The following GRB14 variants were observed in gnomAD, a reference collection of about 807,000 sequenced individuals.
GRB14 encodes growth factor receptor-bound protein 14.
Under a neutral mutation model 69.1 loss-of-function variants are expected in GRB14, and 38 were observed. The ratio of observed to expected loss-of-function variants is 0.55; its 90% CI spans 0.42 to 0.72. GRB14 has a LOEUF of 0.72. Among genes scored for constraint, GRB14 ranks in the 30% least tolerant of loss-of-function variants. The pLI, the probability that GRB14 is intolerant of heterozygous loss-of-function variation, is 0.00. For synonymous variants in GRB14, 247 were observed against 241.3 expected (o/e 1.02, Z -0.22); for missense variants, 666 against 666.1 (o/e 1.00, Z 0.00).
intron 2 of GRB14, among the ~76,000 whole-genome samples, chr2:164,601,608 G>A (rs1371848611): frequency 6.6e-6 from 1 of 152,042 alleles, no homozygotes; most frequent in Non-Finnish European, 1.5e-5. Flanking sequence ...TTGACCCTGT[G>A]TTTTTCCATC....
chr2:164,512,478 T>C (rs1448099733), intron 6 of GRB14, among the ~76,000 whole-genome samples: 3 of 152,100 alleles, frequency 2.0e-5, no homozygotes, highest in Non-Finnish European at 4.4e-5. Flanking sequence ...ATTTCCAGGG[T>C]TTTTGGCTAT....
At position 164,508,771 on chromosome 2, in the gene GRB14, C is replaced by G. The variant is rs762151159; in HGVS notation, c.898G>C (p.Ala300Pro). 1.9e-6 allele frequency: 3 copies of G among 1,589,490 alleles called. No homozygotes were observed. The Admixed American group carries it at 5.5e-5, about 29-fold the overall frequency. Residue 300 changes from alanine to proline, a missense_variant, in exon 7 of 14, where the codon GCA (alanine) becomes CCA (proline). By Grantham distance (27) the Ala-to-Pro change is conservative. Coordinates refer to ENST00000263915, the MANE Select transcript of GRB14 (RefSeq NM_004490.3). ...VSLAGKKKHG[A>P]PTNYGFCFKP... ...AAGCAGAATCCATAGTTAGTCGGTG[C>G]TCCATGTTTTTTTTTGCCTGCCAGT...
Position 164,506,319 on chromosome 2 carries a change from A to G in GRB14, c.1023+2136T>C, listed in dbSNP as rs185635726. 2.6e-5 allele frequency among the ~76,000 whole-genome samples: 4 copies of G among 152,352 alleles called. No individual in the cohort carries two copies. The East Asian group carries it at 7.7e-4, about 29-fold the overall frequency. ...GAAGTAAACATGGTGGCTATCTGCC[A>G]AAACAGCAAAAGAATGTAAATTTCA... On this transcript the variant is annotated intron_variant, in intron 8 of 13. Coordinates refer to ENST00000263915, the MANE Select transcript of GRB14 (RefSeq NM_004490.3).
At chr2:164,618,397 T>C (rs1237949065) in intron 2 of GRB14, among the ~76,000 whole-genome samples, 1 of 152,154 alleles carries the variant, frequency 6.6e-6, no homozygotes, top group African/African-American at 2.4e-5. Context: ...TGTTTTTTCC[T>C]TGGGATCTGA....
intron 12 of GRB14, among the ~76,000 whole-genome samples, chr2:164,495,777 A>ATTCTT (rs1686877294): frequency 6.6e-6 from 1 of 152,194 alleles, no homozygotes; most frequent in African/African-American, 2.4e-5. Context: ...TCAAGCTGTA[A>ATTCTT]TTCTTTTCCC....
chr2:164,553,028 G>A (rs1688584908), intron 2 of GRB14, among the ~76,000 whole-genome samples: 2 of 152,120 alleles, frequency 1.3e-5, no homozygotes, highest in African/African-American at 2.4e-5. Context: ...ATGATCTAGG[G>A]GTTGCTGAAA....
chr2:164,616,135 T>C (rs531401035), intron 2 of GRB14, among the ~76,000 whole-genome samples: 2 of 152,122 alleles, frequency 1.3e-5, no homozygotes, highest in African/African-American at 4.8e-5. Context: ...ATAAAGAATA[T>C]GAATTCTCGC....
intron 2 of GRB14, among the ~76,000 whole-genome samples, chr2:164,589,935 C>G (rs972132805): frequency 2.0e-5 from 3 of 152,124 alleles, no homozygotes; most frequent in Admixed American, 6.5e-5. Flanking sequence ...GGGTTACAGA[C>G]AGCCAACTTT....
At chr2:164,616,425 C>CAAAAAA (rs34263597) in intron 2 of GRB14, among the ~76,000 whole-genome samples, 85 of 66,618 alleles carry the variant, frequency 1.3e-3, no homozygotes, top group East Asian at 3.0e-3. Context: ...GACTCCGTCT[C>CAAAAAA]AAAAAAAAAA....
intron 8 of GRB14, among the ~76,000 whole-genome samples, chr2:164,505,456 G>C (rs994171212): frequency 4.6e-5 from 7 of 152,080 alleles, no homozygotes; most frequent in Admixed American, 4.6e-4. Context: ...GTGGGATCAA[G>C]AAATCACCAG....
chr2:164,495,719 G>A (rs1004349049), intron 12 of GRB14, among the ~76,000 whole-genome samples: 11 of 152,140 alleles, frequency 7.2e-5, no homozygotes, highest in Admixed American at 5.9e-4. Context: ...GTGAGATTCC[G>A]ACATTACATC....
chr2:164,569,773 G>A (rs919726105), intron 2 of GRB14, among the ~76,000 whole-genome samples: 3 of 152,054 alleles, frequency 2.0e-5, no homozygotes, highest in African/African-American at 4.8e-5. Context: ...GCAGTAATGC[G>A]CTTAATATAA....
chr2:164,531,934 TC>T (rs1389070255), intron 3 of GRB14, among the ~76,000 whole-genome samples: 2 of 152,108 alleles, frequency 1.3e-5, no homozygotes, highest in African/African-American at 4.8e-5. Flanking sequence ...GTCCACAGCA[TC>T]CCAGTACGGG....
chr2:164,590,308 CA>C (rs1689632053), intron 2 of GRB14, among the ~76,000 whole-genome samples: 1 of 151,872 alleles, frequency 6.6e-6, no homozygotes, highest in Non-Finnish European at 1.5e-5. Flanking sequence ...CAGATACTGT[CA>C]AGGAATTAAG....
chr2:164,527,125 T>C lies in GRB14; in HGVS notation c.492A>G (p.Ile164Met). Residue 164 changes from isoleucine to methionine, a missense_variant, in exon 4 of 14, where the codon ATA becomes ATG. Ile to Met is a conservative substitution (Grantham distance 10). Coordinates refer to ENST00000263915, the MANE Select transcript of GRB14 (RefSeq NM_004490.3). ...HLPHIGVERT[I>M]EDHELVIEVL... ...CTTCAATCACCAGTTCGTGGTCTTC[T>C]ATTGTTCTTTCTGTAAAGAATGTTT... is the stretch of plus-strand genomic sequence containing the variant. 1.3e-6 allele frequency: 2 copies of C among 1,553,230 alleles called. No individual in the cohort carries two copies. Among genetic ancestry groups the C allele is most frequent in the Non-Finnish European group, 1.8e-6 (2 of 1,137,628 alleles).
At chr2:164,587,983 T>C (rs1000756299) in intron 2 of GRB14, among the ~76,000 whole-genome samples, 2 of 152,208 alleles carry the variant, frequency 1.3e-5, no homozygotes, top group African/African-American at 4.8e-5. Context: ...TCTAAAGGAC[T>C]GCATTCCTTC....
intron 2 of GRB14, chr2:164,568,413 C>T: frequency 7.9e-7 from 1 of 1,260,296 alleles, no homozygotes; most frequent in Non-Finnish European, 1.0e-6. Flanking sequence ...TCTCGTAGGT[C>T]ATGGACAAAA....
At chr2:164,519,140 G>A (rs555651561) in intron 6 of GRB14, among the ~76,000 whole-genome samples, 5 of 152,112 alleles carry the variant, frequency 3.3e-5, no homozygotes, top group African/African-American at 1.2e-4. Flanking sequence ...CTAGCCAACC[G>A]AATCCAACAG....
At chr2:164,619,233 T>A (rs1486803165) in intron 2 of GRB14, among the ~76,000 whole-genome samples, 5 of 152,220 alleles carry the variant, frequency 3.3e-5, no homozygotes, top group Non-Finnish European at 7.3e-5. Flanking sequence ...TGCCACAGCA[T>A]CACTATATCA....
Sources: gnomAD v4.1 joint callset for allele counts (sites outside exome capture counted in the v4.1 genomes callset) on GRCh38, gnomAD v4.1.1 for gene constraint, MANE v1.5 for transcripts, NCBI Gene and HGNC (gene_info 2026-07-23, HGNC 2026-07-21) for gene names.